Variants in LAMA2 observed in about 807,000 individuals in gnomAD.
The protein encoded by LAMA2 is laminin subunit alpha-2.
In LAMA2, 269 loss-of-function variants were observed where a neutral mutation model predicts 364.8. The ratio of observed to expected loss-of-function variants is 0.74; its 90% CI spans 0.67 to 0.82. The LOEUF is 0.82. Among genes scored for constraint, LAMA2 ranks in the 40% least tolerant of loss-of-function variants. The probability of loss-of-function intolerance (pLI) is 0.00; values close to 1 mark genes in which losing one functional copy is unlikely to be tolerated. For missense variants in LAMA2, 3,807 were observed against 3,873.2 expected (o/e 0.98, Z 0.45); for synonymous variants, 1,379 against 1,370.6 (o/e 1.01, Z -0.14).
At chr6:128,953,238 A>G (rs1475145680) in intron 1 of LAMA2, among the ~76,000 whole-genome samples, 1 of 152,146 alleles carries the variant, frequency 6.6e-6, no homozygotes, top group Non-Finnish European at 1.5e-5. Flanking sequence ...CCTCTAATTG[A>G]GTACCTTTCA....
intron 55 of LAMA2, among the ~76,000 whole-genome samples, chr6:129,482,036 T>C (rs2114840882): frequency 6.6e-6 from 1 of 152,324 alleles, no homozygotes; most frequent in Admixed American, 6.5e-5. Context: ...CCGGGTGTAG[T>C]GGCCCATGTC....
chr6:129,073,006 T>C (rs888430271), intron 3 of LAMA2, among the ~76,000 whole-genome samples: 1 of 152,156 alleles, frequency 6.6e-6, no homozygotes, highest in Non-Finnish European at 1.5e-5. Flanking sequence ...ATCAAGAAAG[T>C]ATCCCATTTC....
rs367575018 is a variant in LAMA2, at chr6:129,516,042, C to CTAT, written c.9212-145_9212-143dup. The CTAT allele has an allele frequency of 2.2e-3, 2,009 of 923,134 alleles. 36 individuals are homozygous for CTAT. The African/African-American group carries it at 0.029, about 14-fold the overall frequency. The allele number at this position is 923,134 out of a possible 1,614,324, so 57.2% of individuals were successfully genotyped here. A position where few individuals can be genotyped will look rare whatever the true frequency, so the allele number is the denominator to read the frequency against. ...AGTTGATCTTTCTTTCTCTACAATT[C>CTAT]TATTAGTAAGGCTAAAAACAAAACC... On this transcript the variant is annotated intron_variant, in intron 64 of 64. Transcript: ENST00000421865.
intron 30 of LAMA2, among the ~76,000 whole-genome samples, chr6:129,347,707 AATG>A (rs1365898824): frequency 2.0e-5 from 3 of 152,146 alleles, no homozygotes; most frequent in Admixed American, 6.5e-5. Flanking sequence ...CTGCAGACAA[AATG>A]ATAATTGAGA....
At chr6:129,119,691 G>A (rs998367816) in intron 4 of LAMA2, among the ~76,000 whole-genome samples, 15 of 152,182 alleles carry the variant, frequency 9.9e-5, no homozygotes, top group African/African-American at 3.1e-4. Context: ...GGAACTACAG[G>A]CGCCCGCCAC....
intron 1 of LAMA2, among the ~76,000 whole-genome samples, chr6:128,889,899 T>A (rs1776352126): frequency 6.6e-6 from 1 of 152,184 alleles, no homozygotes. Flanking sequence ...ACACGTGACA[T>A]TTACAAAAGA....
chr6:128,886,976 T>A (rs1776184443), intron 1 of LAMA2, among the ~76,000 whole-genome samples: 1 of 152,226 alleles, frequency 6.6e-6, no homozygotes, highest in Non-Finnish European at 1.5e-5. Context: ...TCTAATATTA[T>A]AGTCTATTGC....
intron 2 of LAMA2, 151 bp from the exon 3 acceptor site, chr6:129,059,633 G>A (rs1055819643): frequency 7.9e-6 from 5 of 636,110 alleles, no homozygotes; most frequent in East Asian, 2.8e-5. Context: ...ATTCTGTTGA[G>A]AATCTGAATT....
intron 4 of LAMA2, among the ~76,000 whole-genome samples, chr6:129,132,424 C>A (rs577707002): frequency 2.6e-5 from 4 of 152,272 alleles, no homozygotes; most frequent in African/African-American, 7.2e-5. Flanking sequence ...CCTCGGCCTC[C>A]CAAAGTGCTG....
At chr6:129,043,002 T>C (rs937647440) in intron 1 of LAMA2, among the ~76,000 whole-genome samples, 10 of 152,198 alleles carry the variant, frequency 6.6e-5, no homozygotes, top group African/African-American at 4.8e-5. Context: ...TAAGGACATG[T>C]AATGTCATTT....
intron 12 of LAMA2, among the ~76,000 whole-genome samples, chr6:129,241,190 T>A (rs1706914307): frequency 6.6e-6 from 1 of 152,216 alleles, no homozygotes; most frequent in Non-Finnish European, 1.5e-5. Context: ...AAGTGATATA[T>A]GGTGTTGAAT....
intron 1 of LAMA2, among the ~76,000 whole-genome samples, chr6:128,985,239 C>G (rs1783150250): frequency 6.6e-6 from 1 of 152,108 alleles, no homozygotes; most frequent in Non-Finnish European, 1.5e-5. Context: ...TTGAAGGGTG[C>G]TGTTGTAAAA....
intron 8 of LAMA2, among the ~76,000 whole-genome samples, chr6:129,156,233 T>C (rs1779105883): frequency 6.6e-6 from 1 of 151,536 alleles, no homozygotes; most frequent in East Asian, 1.9e-4. Context: ...TACAATTTTG[T>C]CAAAAAGGAA....
At chr6:129,323,186 A>G (rs1038081301) in intron 28 of LAMA2, among the ~76,000 whole-genome samples, 2 of 152,222 alleles carry the variant, frequency 1.3e-5, no homozygotes, top group African/African-American at 2.4e-5. Flanking sequence ...CCAGGCATAA[A>G]ATCTTATCAT....
chr6:128,994,797 A>T (rs148597204), intron 1 of LAMA2, among the ~76,000 whole-genome samples: 2 of 152,138 alleles, frequency 1.3e-5, no homozygotes, highest in Non-Finnish European at 2.9e-5. Context: ...TATAGACATT[A>T]TATGTCAGAT....
Position 128,886,412 on chromosome 6 carries a change from G to A in LAMA2, c.112+3055G>A, listed in dbSNP as rs74753347. ...CTCTGAATTGCAGCAAGTTCGATAT[G>A]AACATATAGTGTAATATGGTGACAA... On this transcript the variant is annotated intron_variant, in intron 1 of 64. Transcript: ENST00000421865. 9.7e-3 allele frequency among the ~76,000 whole-genome samples: 1,470 copies of A among 152,244 alleles called. 23 individuals are homozygous for A. The highest frequency in any genetic ancestry group is 0.034 in the African/African-American group (1,396 of 41,562).
chr6:129,080,865 C>A (rs566588722), intron 3 of LAMA2, among the ~76,000 whole-genome samples: 118 of 152,252 alleles, frequency 7.8e-4, no homozygotes, highest in African/African-American at 2.8e-3. Flanking sequence ...ACTAGAAATA[C>A]CATTTGACCC....
intron 1 of LAMA2, among the ~76,000 whole-genome samples, chr6:129,011,426 A>G (rs1215153833): frequency 6.6e-6 from 1 of 152,210 alleles, no homozygotes; most frequent in African/African-American, 2.4e-5. Flanking sequence ...CTGTTCTCCT[A>G]TTTGGAAGCC....
intron 30 of LAMA2, among the ~76,000 whole-genome samples, chr6:129,345,104 A>C (rs1776471592): frequency 1.3e-5 from 2 of 152,172 alleles, no homozygotes; most frequent in Admixed American, 6.5e-5. Flanking sequence ...ATATTGAGGC[A>C]GATTTTAGCC....
Sources: gnomAD v4.1 joint callset for allele counts (sites outside exome capture counted in the v4.1 genomes callset) on GRCh38, gnomAD v4.1.1 for gene constraint, MANE v1.5 for transcripts, NCBI Gene and HGNC (gene_info 2026-07-23, HGNC 2026-07-21) for gene names.